Variants in FBXW11 observed in about 807,000 individuals in gnomAD.
FBXW11 encodes the protein F-box and WD repeat domain containing 11.
A neutral mutation model predicts 77.6 loss-of-function variants in FBXW11; 19 were observed. The ratio of observed to expected loss-of-function variants is 0.24; its 90% CI spans 0.17 to 0.36. The LOEUF (loss-of-function observed/expected upper bound fraction) is 0.36, where lower values mean the gene tolerates loss of function less well. FBXW11 is among the 10% of genes least tolerant of loss of function. The probability of loss-of-function intolerance (pLI) is 1.00; values close to 1 mark genes in which losing one functional copy is unlikely to be tolerated. For synonymous variants in FBXW11, 235 were observed against 249.4 expected, an observed-to-expected ratio of 0.94 and a Z score of 0.54; for missense variants, 334 against 704.2, an observed-to-expected ratio of 0.47 and a Z score of 5.95.
chr5:171,887,977 C>A (rs1450305030), intron 7 of FBXW11, among the ~76,000 whole-genome samples: 1 of 152,078 alleles, frequency 6.6e-6, no homozygotes, highest in Admixed American at 6.6e-5. Context: ...TTTCTTCCTT[C>A]TGTGGCTTTT....
At chr5:171,952,625 G>A (rs1763405525) in intron 2 of FBXW11, among the ~76,000 whole-genome samples, 1 of 148,406 alleles carries the variant, frequency 6.7e-6, no homozygotes, top group Admixed American at 6.7e-5. Flanking sequence ...GCTACTTTTT[G>A]TATTTTTAGT....
chr5:171,975,472 G>A (rs924527987), intron 1 of FBXW11, among the ~76,000 whole-genome samples: 1 of 152,194 alleles, frequency 6.6e-6, no homozygotes, highest in African/African-American at 2.4e-5. Context: ...TATTACAGAG[G>A]TGGGGCCTCT....
At chr5:171,921,255 A>G (rs992907759) in intron 2 of FBXW11, among the ~76,000 whole-genome samples, 6 of 152,332 alleles carry the variant, frequency 3.9e-5, no homozygotes, top group African/African-American at 1.4e-4. Context: ...TAGCAGTGAT[A>G]TATGTTTAAC....
At chr5:171,897,779 G>A (rs1199842337) in intron 6 of FBXW11, among the ~76,000 whole-genome samples, 1 of 151,692 alleles carries the variant, frequency 6.6e-6, no homozygotes, top group African/African-American at 2.4e-5. Flanking sequence ...AAAACAGAGG[G>A]TAATGTAGTT....
At chr5:171,968,956 G>A (rs529178638) in intron 1 of FBXW11, among the ~76,000 whole-genome samples, 5 of 152,260 alleles carry the variant, frequency 3.3e-5, no homozygotes, top group South Asian at 4.1e-4. Context: ...AGTTGACTAC[G>A]TTTTTAAAAG....
At chr5:171,983,795 C>T (rs553108657) in intron 1 of FBXW11, among the ~76,000 whole-genome samples, 2 of 152,258 alleles carry the variant, frequency 1.3e-5, no homozygotes, top group East Asian at 3.9e-4. Context: ...CCCAGTAATT[C>T]TGTTGGGTTC....
At chr5:171,971,163 A>G (rs766872355) in intron 1 of FBXW11, among the ~76,000 whole-genome samples, 4 of 152,242 alleles carry the variant, frequency 2.6e-5, no homozygotes, top group African/African-American at 4.8e-5. Flanking sequence ...CTGTGCTGTC[A>G]GTACACACCA....
chr5:171,991,880 C>G (rs558439597), intron 1 of FBXW11, among the ~76,000 whole-genome samples: 1 of 151,948 alleles, frequency 6.6e-6, no homozygotes, highest in African/African-American at 2.4e-5. Context: ...TTTGGGAGGC[C>G]GAGGTGGGAG....
intron 7 of FBXW11, among the ~76,000 whole-genome samples, chr5:171,890,879 A>G (rs1759303741): frequency 2.0e-5 from 3 of 152,258 alleles, no homozygotes; most frequent in Admixed American, 6.5e-5. Context: ...CAAAATTCAC[A>G]GAATTATACA....
chr5:171,899,162 T>C (rs1759947340), intron 5 of FBXW11, 68 bp from the exon 6 acceptor site: 1 of 1,014,490 alleles, frequency 9.9e-7, no homozygotes, highest in African/African-American at 1.6e-5. Context: ...CTAAACATGG[T>C]GCTGACAAAG....
chr5:171,898,603 G>C (rs1268179832), intron 6 of FBXW11, among the ~76,000 whole-genome samples: 2 of 152,100 alleles, frequency 1.3e-5, no homozygotes, highest in Admixed American at 1.3e-4. Context: ...GAAAAACTAT[G>C]AGTAATGTAC....
chr5:171,990,867 T>C (rs1418908360), intron 1 of FBXW11, among the ~76,000 whole-genome samples: 1 of 152,114 alleles, frequency 6.6e-6, no homozygotes, highest in Non-Finnish European at 1.5e-5. Context: ...CTCTATTGCC[T>C]GGGCTGGAGT....
At position 171,891,577 on chromosome 5, in the gene FBXW11, G is replaced by A. The variant is rs771934811; in HGVS notation, c.742C>T (p.Arg248Ter). The A allele has an allele frequency of 1.2e-6, 2 of 1,606,130 alleles. No individual in the cohort carries two copies. Among genetic ancestry groups the A allele is most frequent in the Non-Finnish European group, 1.7e-6 (2 of 1,176,376 alleles). ...ETIESNWRCGRHNLQRIQCRS... is the reference protein window; with the variant it reads ...ETIESNWRCG ...CACTGAATCCTCTGCAAGTTGTGTC[G>A]TCCACACCGCCAGTTAGATTCTATA... The change falls in exon 7 of 14, where the codon CGA becomes TGA. Residue 248 changes from arginine to a stop codon, truncating the protein, a stop_gained. Coordinates refer to ENST00000517395, the MANE Select transcript of FBXW11 (RefSeq NM_001378974.1). LOFTEE classifies it high-confidence loss of function.
intron 1 of FBXW11, among the ~76,000 whole-genome samples, chr5:171,963,384 G>C (rs1360758082): frequency 1.3e-5 from 2 of 152,154 alleles, no homozygotes; most frequent in East Asian, 3.8e-4. Flanking sequence ...TCCTATGCAA[G>C]TATCTGCAAT....
In FBXW11 at chr5:171,971,847, G is replaced by A. The variant is rs569492279; in HGVS notation, c.46-14149C>T. Among the ~76,000 whole-genome samples, 15 of 152,274 alleles carry A rather than the reference G, an allele frequency of 9.9e-5. No individual in the cohort carries two copies. The South Asian group carries it at 3.1e-3, about 32-fold the overall frequency. On this transcript the variant is annotated intron_variant, in intron 1 of 13. Coordinates refer to ENST00000517395, the MANE Select transcript of FBXW11 (RefSeq NM_001378974.1). ...AAGATACAAAAAATTAGCTGGGCCT[G>A]GTGGTGTACAACTGTAGCACCAGCT...
At chr5:171,979,026 A>G (rs540300207) in intron 1 of FBXW11, among the ~76,000 whole-genome samples, 1 of 152,316 alleles carries the variant, frequency 6.6e-6, no homozygotes, top group South Asian at 2.1e-4. Context: ...TCATGTTCAT[A>G]AAGGTTAAGA....
chr5:171,922,896 CGTGTGTGTGCGT>C (rs1761672629), intron 2 of FBXW11, among the ~76,000 whole-genome samples: 1 of 151,966 alleles, frequency 6.6e-6, no homozygotes, highest in African/African-American at 2.4e-5. Flanking sequence ...CATCACCAAT[CGTGTGTGTGCGT>C]GTGTGTGTGT....
At chr5:171,916,839 A>G (rs1049661575) in intron 2 of FBXW11, among the ~76,000 whole-genome samples, 1 of 152,116 alleles carries the variant, frequency 6.6e-6, no homozygotes, top group African/African-American at 2.4e-5. Flanking sequence ...TCCCCACCCC[A>G]TGTCTCCAGG....
chr5:171,864,724 T>C (rs1757278057), intron 13 of FBXW11, among the ~76,000 whole-genome samples: 2 of 152,112 alleles, frequency 1.3e-5, no homozygotes, highest in African/African-American at 4.8e-5. Context: ...TGGCTTTGAG[T>C]CTGAAACACA....
Sources: gnomAD v4.1 joint callset for allele counts (sites outside exome capture counted in the v4.1 genomes callset) on GRCh38, gnomAD v4.1.1 for gene constraint, MANE v1.5 for transcripts, NCBI Gene and HGNC (gene_info 2026-07-23, HGNC 2026-07-21) for gene names.